Variants in SWAP70 observed in about 807,000 individuals in gnomAD.
SWAP70 encodes switch-associated protein 70.
Under a neutral mutation model 80.2 loss-of-function variants are expected in SWAP70, and 34 were observed. The observed-to-expected ratio is 0.42, with a 90% CI of 0.32 to 0.56. SWAP70 has a LOEUF of 0.56. Ranked by LOEUF, SWAP70 falls within the 20% of genes least tolerant of loss-of-function variation. The pLI is 0.09. For synonymous variants in SWAP70, 239 were observed against 238.5 expected (o/e 1.00, Z -0.02); for missense variants, 578 against 690.7 (o/e 0.84, Z 1.83).
chr11:9,740,421 A>T, intron 9 of SWAP70, 74 bp downstream of exon 9: 2 of 1,444,270 alleles, frequency 1.4e-6, no homozygotes. Flanking sequence ...AATGACTAAC[A>T]CTCTGGTGGA....
chr11:9,728,793 G>T (rs1851258146), intron 5 of SWAP70, among the ~76,000 whole-genome samples: 1 of 152,132 alleles, frequency 6.6e-6, no homozygotes, highest in Non-Finnish European at 1.5e-5. Flanking sequence ...ATGTATTTTA[G>T]TGAATAATAA....
intron 3 of SWAP70, among the ~76,000 whole-genome samples, chr11:9,719,366 C>T (rs940114072): frequency 5.9e-5 from 9 of 151,984 alleles, no homozygotes; most frequent in African/African-American, 2.2e-4. Context: ...AGAATGAGAT[C>T]CTGTCTCAAA....
intron 9 of SWAP70, among the ~76,000 whole-genome samples, chr11:9,744,041 C>G (rs1236258161): frequency 2.0e-5 from 3 of 151,156 alleles, no homozygotes; most frequent in Non-Finnish European, 4.4e-5. Context: ...CGGCTCACTG[C>G]AAGCTCTGCC....
In SWAP70 at chr11:9,694,249, G is replaced by C; in HGVS notation, c.203G>C (p.Gly68Ala). The C allele has an allele frequency of 1.9e-6, 3 of 1,612,588 alleles. No homozygotes were observed. Among genetic ancestry groups the C allele is most frequent in the Non-Finnish European group, 2.5e-6 (3 of 1,179,370 alleles). Reference sequence around the variant, plus strand: ...GATGAGGGTCCAGTGTCCAACCAGGGCTACATGCCTTATTTAAACAGGTTC... The same window carrying C: ...GATGAGGGTCCAGTGTCCAACCAGGCCTACATGCCTTATTTAAACAGGTTC... ...DDDEGPVSNQ[G>A]YMPYLNRFIL... The change falls in exon 2 of 12, where the codon GGC becomes GCC. Residue 68 changes from glycine to alanine, a missense_variant. Physicochemically the swap from Gly to Ala is moderately conservative, Grantham distance 60 (BLOSUM62 0). Transcript: ENST00000318950.
At position 9,728,213 on chromosome 11, in the gene SWAP70, T is replaced by G. The variant is rs1337762034; in HGVS notation, c.789+14T>G. 1 of 1,582,482 alleles carries G rather than the reference T, an allele frequency of 6.3e-7. No homozygotes were observed. The highest frequency in any genetic ancestry group is 2.3e-5 in the East Asian group (1 of 43,134). On this transcript the variant is annotated intron_variant, in intron 5 of 11. Transcript: ENST00000318950. ...TGCTGTGTAGAGGTGAGTCTACTCTTACTTCTTTGCATGATTACCCCGTGC... is the reference window on the plus strand; with the variant it reads ...TGCTGTGTAGAGGTGAGTCTACTCTGACTTCTTTGCATGATTACCCCGTGC...
At chr11:9,712,132 A>C (rs1396769648) in intron 2 of SWAP70, among the ~76,000 whole-genome samples, 3 of 152,106 alleles carry the variant, frequency 2.0e-5, no homozygotes, top group African/African-American at 7.2e-5. Flanking sequence ...CAGTGCTCCC[A>C]CAAAATCCTC....
intron 2 of SWAP70, among the ~76,000 whole-genome samples, chr11:9,706,689 A>G (rs1850919307): frequency 6.6e-6 from 1 of 152,154 alleles, no homozygotes; most frequent in South Asian, 2.1e-4. Context: ...TACTCTGGAG[A>G]CATAAAAATA....
chr11:9,722,181 C>T (rs1232926212), intron 3 of SWAP70, among the ~76,000 whole-genome samples: 1 of 152,158 alleles, frequency 6.6e-6, no homozygotes, highest in Non-Finnish European at 1.5e-5. Flanking sequence ...TCTCATTTCA[C>T]CCCACAGCAT....
intron 1 of SWAP70, among the ~76,000 whole-genome samples, chr11:9,676,648 GTTT>G (rs776925174): frequency 7.4e-6 from 1 of 135,376 alleles, no homozygotes; most frequent in African/African-American, 2.7e-5. Flanking sequence ...TATAGATGCA[GTTT>G]TTTTTTTTTT....
At chr11:9,706,599 C>A (rs1850918367) in intron 2 of SWAP70, among the ~76,000 whole-genome samples, 1 of 152,044 alleles carries the variant, frequency 6.6e-6, no homozygotes, top group South Asian at 2.1e-4. Flanking sequence ...AAGCCACCAT[C>A]CTGAATTTTA....
At chr11:9,710,010 T>A (rs1850974796) in intron 2 of SWAP70, among the ~76,000 whole-genome samples, 2 of 152,180 alleles carry the variant, frequency 1.3e-5, no homozygotes, top group South Asian at 4.2e-4. Flanking sequence ...TGGAAGTGGA[T>A]CATTGTAAAG....
chr11:9,746,013 C>T (rs978778831), intron 9 of SWAP70, among the ~76,000 whole-genome samples: 1 of 152,180 alleles, frequency 6.6e-6, no homozygotes, highest in Admixed American at 6.5e-5. Flanking sequence ...GCCGCTGGCG[C>T]CCATGTTGGT....
intron 1 of SWAP70, among the ~76,000 whole-genome samples, chr11:9,671,598 ATATT>A (rs1374517496): frequency 6.6e-5 from 1 of 15,146 alleles, no homozygotes; most frequent in East Asian, 7.7e-4. Flanking sequence ...ATATATAAAT[ATATT>A]TATATAGAAA....
At chr11:9,697,423 C>T (rs548843397) in intron 2 of SWAP70, among the ~76,000 whole-genome samples, 8 of 151,976 alleles carry the variant, frequency 5.3e-5, no homozygotes, top group South Asian at 2.1e-4. Context: ...GCTGGGATTA[C>T]AGGCACATAC....
chr11:9,670,263 G>A (rs968306115), intron 1 of SWAP70, among the ~76,000 whole-genome samples: 2 of 152,144 alleles, frequency 1.3e-5, no homozygotes, highest in African/African-American at 4.8e-5. Flanking sequence ...GTGGGAGGAG[G>A]ACGGGAAAGG....
chr11:9,725,575 T>TA, intron 4 of SWAP70, among the ~76,000 whole-genome samples: 1 of 74,484 alleles, frequency 1.3e-5, no homozygotes, highest in East Asian at 3.2e-4. Flanking sequence ...ATATATTTTT[T>TA]TTTTTTTTTT....
At chr11:9,739,261 C>T (rs1458872067) in intron 8 of SWAP70, among the ~76,000 whole-genome samples, 2 of 152,208 alleles carry the variant, frequency 1.3e-5, no homozygotes, top group Non-Finnish European at 2.9e-5. Context: ...TCAGAGAGTG[C>T]TAAGCCCAGT....
At chr11:9,730,300 C>T (rs1851280225) in intron 6 of SWAP70, among the ~76,000 whole-genome samples, 1 of 146,600 alleles carries the variant, frequency 6.8e-6, no homozygotes, top group Non-Finnish European at 1.5e-5. Flanking sequence ...ACCATCCTGG[C>T]TAACACGGTG....
intron 9 of SWAP70, among the ~76,000 whole-genome samples, chr11:9,743,393 A>G (rs1368012462): frequency 1.3e-5 from 2 of 152,072 alleles, no homozygotes; most frequent in African/African-American, 4.8e-5. Context: ...AGCATGATTT[A>G]TAATCCTTTG....
Sources: gnomAD v4.1 joint callset for allele counts (sites outside exome capture counted in the v4.1 genomes callset) on GRCh38, gnomAD v4.1.1 for gene constraint, MANE v1.5 for transcripts, NCBI Gene and HGNC (gene_info 2026-07-23, HGNC 2026-07-21) for gene names.